Variants in NEGR1 observed in about 807,000 individuals in gnomAD.
The protein encoded by NEGR1 is IgLON family member 4.
In NEGR1, 10 loss-of-function variants were observed where a neutral mutation model predicts 40.9. The observed-to-expected ratio is 0.24, with a 90% CI of 0.15 to 0.42. The LOEUF (loss-of-function observed/expected upper bound fraction) is 0.42. NEGR1 is among the 10% of genes least tolerant of loss of function. The pLI is 1.00. For synonymous variants in NEGR1, 185 were observed against 166.8 expected (o/e 1.11, Z -0.84); for missense variants, 352 against 438.9 (o/e 0.80, Z 1.77).
intron 5 of NEGR1, among the ~76,000 whole-genome samples, chr1:71,607,947 A>G (rs890920445): frequency 6.6e-6 from 1 of 152,140 alleles, no homozygotes; most frequent in African/African-American, 2.4e-5. Flanking sequence ...TTTGCCTTCC[A>G]AAGTTCTGGG....
intron 1 of NEGR1, among the ~76,000 whole-genome samples, chr1:71,955,704 T>C (rs1231336245): frequency 6.6e-6 from 1 of 152,162 alleles, no homozygotes; most frequent in African/African-American, 2.4e-5. Flanking sequence ...ACATTGGGAA[T>C]TATTAAAGTG....
chr1:72,193,050 C>T (rs1237969902), intron 1 of NEGR1, among the ~76,000 whole-genome samples: 2 of 151,694 alleles, frequency 1.3e-5, no homozygotes, highest in African/African-American at 4.8e-5. Context: ...GATGGAACCA[C>T]TCACTAATTT....
intron 1 of NEGR1, among the ~76,000 whole-genome samples, chr1:71,952,706 G>C (rs1259324534): frequency 2.0e-5 from 3 of 151,946 alleles, no homozygotes; most frequent in Admixed American, 2.0e-4. Flanking sequence ...GGCTAGAGAA[G>C]AGAAGTCAAT....
intron 1 of NEGR1, among the ~76,000 whole-genome samples, chr1:72,129,957 ACCCTTGCTTTGAGAGTTTCAC>A (rs1334132659): frequency 6.6e-6 from 1 of 152,162 alleles, no homozygotes; most frequent in African/African-American, 2.4e-5. Context: ...GCTATTCAGT[ACCCTTGCTTTGAGAGTTTCAC>A]CCCCTAGATA....
chr1:72,260,896 A>G (rs754965784), intron 1 of NEGR1, among the ~76,000 whole-genome samples: 1 of 152,078 alleles, frequency 6.6e-6, no homozygotes, highest in Non-Finnish European at 1.5e-5. Flanking sequence ...AAATATAAAC[A>G]ATTGTTGAAG....
intron 1 of NEGR1, among the ~76,000 whole-genome samples, chr1:72,009,311 TC>T (rs1324627491): frequency 3.3e-5 from 5 of 152,096 alleles, no homozygotes; most frequent in Non-Finnish European, 1.5e-5. Flanking sequence ...CCATCCCTTT[TC>T]CCTCCACGCT....
intron 6 of NEGR1, among the ~76,000 whole-genome samples, chr1:71,479,092 G>GT (rs1056615531): frequency 1.8e-4 from 27 of 151,974 alleles, no homozygotes; most frequent in African/African-American, 5.1e-4. Context: ...TTAATAAAAT[G>GT]TTTTTTTCCA....
At chr1:72,039,309 T>C (rs1461635969) in intron 1 of NEGR1, among the ~76,000 whole-genome samples, 1 of 151,986 alleles carries the variant, frequency 6.6e-6, no homozygotes, top group Non-Finnish European at 1.5e-5. Flanking sequence ...AGGTACATGA[T>C]GTGGGCATAT....
chr1:72,002,007 A>C (rs1646561896), intron 1 of NEGR1, among the ~76,000 whole-genome samples: 2 of 151,890 alleles, frequency 1.3e-5, no homozygotes, highest in Admixed American at 1.3e-4. Context: ...CTTAAATCAA[A>C]TTTTTGCTTT....
chr1:71,783,352 C>A (rs2101726506), intron 2 of NEGR1, among the ~76,000 whole-genome samples: 1 of 152,244 alleles, frequency 6.6e-6, no homozygotes, highest in Middle Eastern at 3.4e-3. Flanking sequence ...AGGTGTTGTT[C>A]TCAAACTGAG....
intron 5 of NEGR1, among the ~76,000 whole-genome samples, chr1:71,597,192 T>TA (rs1159668170): frequency 6.6e-6 from 1 of 152,120 alleles, no homozygotes; most frequent in Non-Finnish European, 1.5e-5. Flanking sequence ...GTAGAACTCT[T>TA]ACATGGACTT....
chr1:71,953,140 G>T (rs1310514061), intron 1 of NEGR1, among the ~76,000 whole-genome samples: 3 of 151,832 alleles, frequency 2.0e-5, no homozygotes, highest in Non-Finnish European at 4.4e-5. Flanking sequence ...CAACTTTCAA[G>T]CCTTATTACT....
chr1:71,726,170 T>G (rs1160706193), intron 3 of NEGR1, among the ~76,000 whole-genome samples: 1 of 152,070 alleles, frequency 6.6e-6, no homozygotes, highest in Admixed American at 6.6e-5. Flanking sequence ...TGGAATTTAT[T>G]TTTTTTTCTG....
intron 5 of NEGR1, among the ~76,000 whole-genome samples, chr1:71,593,359 G>T (rs1021564114): frequency 6.6e-6 from 1 of 152,140 alleles, no homozygotes; most frequent in Non-Finnish European, 1.5e-5. Context: ...TGGTTTCTAG[G>T]TAAGCTGGCG....
At chr1:71,583,440 C>G (rs1355379767) in intron 6 of NEGR1, among the ~76,000 whole-genome samples, 1 of 152,112 alleles carries the variant, frequency 6.6e-6, no homozygotes, top group Non-Finnish European at 1.5e-5. Flanking sequence ...CAAATATGGC[C>G]TCCAACAGGC....
At chr1:71,924,467 A>G (rs1645752330) in intron 2 of NEGR1, among the ~76,000 whole-genome samples, 2 of 152,214 alleles carry the variant, frequency 1.3e-5, no homozygotes, top group South Asian at 4.1e-4. Flanking sequence ...TTTATTCTGC[A>G]CTAATAAATA....
rs756919652 is a variant in NEGR1 at position 71,435,110 on chromosome 1, CAAAA to C, written c.941-27544_941-27541del. Among the ~76,000 whole-genome samples the C allele has an allele frequency of 3.2e-3, 474 of 150,184 alleles. 3 individuals carry two copies. Among genetic ancestry groups the C allele is most frequent in the East Asian group, 0.018 (89 of 5,078 alleles). On this transcript the variant is annotated intron_variant, in intron 6 of 6. Coordinates refer to ENST00000357731, the MANE Select transcript of NEGR1 (RefSeq NM_173808.3). ...CATCTCAAACAAACAAACAAACAAA[CAAAA>C]AAAAAAAAAAAAGAGGGAATTATTG...
intron 3 of NEGR1, among the ~76,000 whole-genome samples, chr1:71,711,986 A>T (rs888140695): frequency 6.6e-6 from 1 of 152,200 alleles, no homozygotes; most frequent in African/African-American, 2.4e-5. Context: ...TATCAAGGTG[A>T]AGAATAGATC....
intron 1 of NEGR1, among the ~76,000 whole-genome samples, chr1:72,106,402 A>G (rs1490539336): frequency 6.6e-6 from 1 of 152,014 alleles, no homozygotes; most frequent in East Asian, 1.9e-4. Flanking sequence ...CACTTCCCCA[A>G]AGTTCTTTGT....
Sources: allele counts gnomAD v4.1 joint callset (sites outside exome capture counted in the v4.1 genomes callset), GRCh38; gene constraint gnomAD v4.1.1; transcripts MANE v1.5; gene names NCBI Gene and HGNC (gene_info 2026-07-23, HGNC 2026-07-21).